The following ZNF627 variants were observed in gnomAD, a reference collection of about 807,000 sequenced individuals.
ZNF627 encodes zinc finger protein 627.
In ZNF627, 12 loss-of-function variants were observed where a neutral mutation model predicts 10.6. That is an observed-to-expected ratio of 1.13 (90% CI 0.73 to 1.84). The LOEUF (loss-of-function observed/expected upper bound fraction) is 1.84. Ranked by LOEUF, ZNF627 falls within the 40% of genes most tolerant of loss-of-function variation. ZNF627 has a pLI of 0.00. For missense variants in ZNF627, 504 were observed against 568.4 expected (o/e 0.89, Z 1.15); for synonymous variants, 176 against 187.1 (o/e 0.94, Z 0.48).
At chr19:11,614,946 ATT>A (rs5827132) in intron 3 of ZNF627, 59 bp downstream of exon 3, 152,373 of 916,406 alleles carry the variant, frequency 0.17, 9 homozygotes, top group South Asian at 0.2. Flanking sequence ...ATTGTTAGGA[ATT>A]TTTTTTTTTT....
In ZNF627 at chr19:11,612,118, C is replaced by CTTTTTTTTT. The variant is rs533449447; in HGVS notation, c.4-2397_4-2389dup. Among the ~76,000 whole-genome samples, 19 of 91,708 alleles carry CTTTTTTTTT rather than the reference C, an allele frequency of 2.1e-4. 1 individual carries two copies. Among genetic ancestry groups the CTTTTTTTTT allele is most frequent in the Admixed American group, 4.2e-4 (3 of 7,120 alleles). 60.2% of individuals were successfully genotyped at this position (91,708 alleles called of 152,430 possible). ...TGTATGTAAGTTAAGGGTCCAACTG[C>CTTTTTTTTT]TTTTTTTTTTTTTTTTTTTTGAGAT... is the stretch of plus-strand genomic sequence containing the variant. On this transcript the variant is annotated intron_variant, in intron 1 of 3. Transcript: ENST00000361113.
intron 1 of ZNF627, among the ~76,000 whole-genome samples, chr19:11,606,016 A>G (rs1311623131): frequency 6.6e-6 from 1 of 152,158 alleles, no homozygotes; most frequent in Non-Finnish European, 1.5e-5. Flanking sequence ...TCCCAAATCC[A>G]GTAGGGCAGT....
At chr19:11,603,911 G>A (rs1973630383) in intron 1 of ZNF627, among the ~76,000 whole-genome samples, 1 of 151,572 alleles carries the variant, frequency 6.6e-6, no homozygotes, top group Admixed American at 6.6e-5. Context: ...GGGCTCAAGT[G>A]ATCCTGCCGC....
chr19:11,598,645 C>T (rs1400506434), intron 1 of ZNF627, among the ~76,000 whole-genome samples: 1 of 152,186 alleles, frequency 6.6e-6, no homozygotes. Context: ...TCACCATATT[C>T]CCAAAAGGTA....
intron 1 of ZNF627, among the ~76,000 whole-genome samples, chr19:11,605,226 G>A (rs1310365423): frequency 1.3e-5 from 2 of 151,584 alleles, no homozygotes; most frequent in Non-Finnish European, 2.9e-5. Flanking sequence ...GGGGTTACAG[G>A]TGCCCACCAC....
chr19:11,613,916 A>ATTTTTT, intron 1 of ZNF627, among the ~76,000 whole-genome samples: 1 of 92,502 alleles, frequency 1.1e-5, no homozygotes, highest in Non-Finnish European at 2.0e-5. Flanking sequence ...TAGTTACTAG[A>ATTTTTT]TTTTTTTTTT....
rs1973903612 is a variant in ZNF627 at position 11,617,774 on chromosome 19, G to A, written c.1271G>A (p.Cys424Tyr). ...TGEKPYECKQ[C>Y]GKAFSRSTYF... Reference sequence around the variant, plus strand: ...GAGAAACCCTATGAATGTAAGCAATGTGGGAAAGCCTTCAGTCGATCCACT... The same window carrying A: ...GAGAAACCCTATGAATGTAAGCAATATGGGAAAGCCTTCAGTCGATCCACT... The change falls in exon 4 of 4, where the codon TGT (cysteine) becomes TAT (tyrosine). Residue 424 changes from cysteine (C) to tyrosine (Y), a missense_variant. Physicochemically the swap from Cys to Tyr is radical, Grantham distance 194 (BLOSUM62 -2). Coordinates refer to ENST00000361113, the MANE Select transcript of ZNF627 (RefSeq NM_145295.4). The A allele has an allele frequency of 6.2e-7, 1 of 1,613,206 alleles. No homozygotes were observed. The highest frequency in any genetic ancestry group is 1.1e-5 in the South Asian group (1 of 90,934).
Position 11,616,969 on chromosome 19 carries a change from G to T in ZNF627, c.466G>T (p.Val156Leu), listed in dbSNP as rs1270225807. ...CTTGAGTTATCATCGCTCTTTTCCA[G>T]TACGTGAAAGGACTCATCCTGGAGG... The part of the protein sequence containing the change: ...RALSYHRSFP[V>L]RERTHPGGKP... Residue 156 changes from valine to leucine, a missense_variant, in exon 4 of 4, where the codon GTA becomes TTA. Transcript: ENST00000361113. 1.2e-6 allele frequency: 2 copies of T among 1,614,050 alleles called. No homozygotes were observed. Among genetic ancestry groups the T allele is most frequent in the Non-Finnish European group, 1.7e-6 (2 of 1,180,036 alleles).
intron 1 of ZNF627, among the ~76,000 whole-genome samples, chr19:11,613,678 G>A (rs954730539): frequency 2.6e-5 from 4 of 151,426 alleles, no homozygotes; most frequent in Non-Finnish European, 5.9e-5. Flanking sequence ...TTAGCCTTTA[G>A]TAATTCATTA....
intron 2 of ZNF627, 73 bp downstream of exon 2, chr19:11,614,726 A>G: frequency 6.2e-7 from 1 of 1,609,306 alleles, no homozygotes; most frequent in Non-Finnish European, 8.5e-7. Flanking sequence ...ACTTTGGGGA[A>G]TAAACCAGGC....
chr19:11,603,729 G>A (rs756890858), intron 1 of ZNF627, among the ~76,000 whole-genome samples: 13 of 151,844 alleles, frequency 8.6e-5, no homozygotes, highest in Admixed American at 5.3e-4. Context: ...TTTTTAGACC[G>A]GTTGTAGTTT....
intron 1 of ZNF627, among the ~76,000 whole-genome samples, chr19:11,609,071 A>C (rs1973721264): frequency 6.6e-6 from 1 of 152,014 alleles, no homozygotes; most frequent in African/African-American, 2.4e-5. Flanking sequence ...GGGTTTTGCC[A>C]TGTTGTCCAG....
rs1041826349 is a variant in ZNF627, at chr19:11,604,566, T to G, written c.3+6936T>G. 3.4e-4 allele frequency among the ~76,000 whole-genome samples: 51 copies of G among 152,190 alleles called. 1 individual carries two copies. Among genetic ancestry groups the G allele is most frequent in the Non-Finnish European group, 1.0e-4 (7 of 68,028 alleles). The stretch of plus-strand genomic sequence containing the variant: ...CCCTCCCCCTCCATGGATTCAGACT[T>G]GGGTGGGCCCAGCAGAATGGCATGT... On this transcript the variant is annotated intron_variant, in intron 1 of 3. Transcript: ENST00000361113.
chr19:11,613,315 G>A (rs1283074418), intron 1 of ZNF627, among the ~76,000 whole-genome samples: 1 of 144,766 alleles, frequency 6.9e-6, no homozygotes, highest in Non-Finnish European at 1.5e-5. Context: ...CTGGCCTGAA[G>A]GTGGTATCTG....
intron 1 of ZNF627, among the ~76,000 whole-genome samples, chr19:11,600,222 C>T (rs1299925179): frequency 2.0e-5 from 3 of 151,980 alleles, no homozygotes; most frequent in South Asian, 2.1e-4. Flanking sequence ...AGGCAGATCA[C>T]GAGGTCAGGA....
intron 1 of ZNF627, among the ~76,000 whole-genome samples, chr19:11,602,302 A>G (rs1247128220): frequency 6.6e-6 from 1 of 152,194 alleles, no homozygotes; most frequent in Non-Finnish European, 1.5e-5. Context: ...CTGAAGACAG[A>G]GCTGTTCAGC....
In ZNF627 at chr19:11,614,826, G is replaced by C; in HGVS notation, c.131-1G>C. ...ATGACTTTTCTGGGTCTAAATTTTA[G>C]GAAAACAATGGGAAGACCAGAACAT... On this transcript the variant is annotated splice_acceptor_variant, in intron 2 of 3. Coordinates refer to ENST00000361113, the MANE Select transcript of ZNF627 (RefSeq NM_145295.4). LOFTEE classifies it high-confidence loss of function. The C allele has an allele frequency of 6.2e-7, 1 of 1,602,366 alleles. No homozygotes were observed. The highest frequency in any genetic ancestry group is 1.1e-5 in the South Asian group (1 of 88,082).
chr19:11,609,112 G>T (rs1305914420), intron 1 of ZNF627, among the ~76,000 whole-genome samples: 1 of 152,024 alleles, frequency 6.6e-6, no homozygotes, highest in Non-Finnish European at 1.5e-5. Context: ...CTCAAGCTGT[G>T]TGCCCACCTC....
chr19:11,605,283 C>T (rs987977541), intron 1 of ZNF627, among the ~76,000 whole-genome samples: 8 of 151,644 alleles, frequency 5.3e-5, no homozygotes, highest in East Asian at 1.9e-4. Context: ...GACAAGGTTT[C>T]ACCATCTTGG....
Sources: allele counts gnomAD v4.1 joint callset (sites outside exome capture counted in the v4.1 genomes callset), GRCh38; gene constraint gnomAD v4.1.1; transcripts MANE v1.5; gene names NCBI Gene and HGNC (gene_info 2026-07-23, HGNC 2026-07-21).